Variants in SGCZ observed in about 807,000 individuals in gnomAD.
SGCZ encodes the protein zeta-sarcoglycan.
SGCZ carries 40 observed loss-of-function variants against 41.3 expected under a neutral mutation model. That is an observed-to-expected ratio of 0.97 (90% confidence interval 0.75 to 1.26). The LOEUF is 1.26. SGCZ is among the 50% of genes most tolerant of loss of function. The probability of loss-of-function intolerance (pLI) is 0.00; values close to 1 mark genes in which losing one functional copy is unlikely to be tolerated. For missense variants in SGCZ, 552 were observed against 369.8 expected (o/e 1.49, Z -4.04); for synonymous variants, 206 against 137.5 (o/e 1.50, Z -3.49).
At chr8:14,857,796 G>T (rs1290415178) in intron 1 of SGCZ, among the ~76,000 whole-genome samples, 1 of 152,116 alleles carries the variant, frequency 6.6e-6, no homozygotes, top group Non-Finnish European at 1.5e-5. Context: ...AACCCAGGAG[G>T]TGGAGGTAGC....
At chr8:14,256,652 C>T (rs770670753) in intron 3 of SGCZ, among the ~76,000 whole-genome samples, 1 of 152,114 alleles carries the variant, frequency 6.6e-6, no homozygotes, top group African/African-American at 2.4e-5. Flanking sequence ...ATGTAGTTTA[C>T]CATAACCAAT....
At chr8:14,965,320 G>C (rs146915322) in intron 1 of SGCZ, among the ~76,000 whole-genome samples, 2 of 152,126 alleles carry the variant, frequency 1.3e-5, no homozygotes, top group Admixed American at 1.3e-4. Flanking sequence ...TTTTCCTAGA[G>C]TGAAGTTTCC....
intron 1 of SGCZ, among the ~76,000 whole-genome samples, chr8:15,067,002 C>G (rs1805175136): frequency 6.6e-6 from 1 of 152,010 alleles, no homozygotes; most frequent in African/African-American, 2.4e-5. Flanking sequence ...GAAATAAAAC[C>G]TTCTTAGATA....
At chr8:14,532,513 G>A (rs55789431) in intron 2 of SGCZ, among the ~76,000 whole-genome samples, 1 of 151,748 alleles carries the variant, frequency 6.6e-6, no homozygotes, top group Non-Finnish European at 1.5e-5. Context: ...AAGAATAAGC[G>A]AATAAGCAGC....
At chr8:14,366,165 C>T (rs963598579) in intron 2 of SGCZ, among the ~76,000 whole-genome samples, 1 of 152,084 alleles carries the variant, frequency 6.6e-6, no homozygotes. Context: ...CTGCTGTCAT[C>T]TGGAGAACAG....
chr8:14,288,605 A>T (rs12541704), intron 3 of SGCZ, among the ~76,000 whole-genome samples: 109,247 of 152,152 alleles, frequency 0.72, 40,358 homozygotes, highest in Non-Finnish European at 0.8. Context: ...ATGCCATATT[A>T]TGTAATAGTA....
intron 2 of SGCZ, among the ~76,000 whole-genome samples, chr8:14,509,604 C>A (rs139201067): frequency 6.6e-6 from 1 of 152,234 alleles, no homozygotes; most frequent in African/African-American, 2.4e-5. Context: ...ACCAGAAGAA[C>A]ATGAACCATC....
chr8:14,696,846 CA>C (rs1181344253), intron 1 of SGCZ, among the ~76,000 whole-genome samples: 1 of 151,688 alleles, frequency 6.6e-6, no homozygotes. Flanking sequence ...GATGGTTTGC[CA>C]AAAGGGGGAT....
At chr8:15,171,234 C>T (rs1184595233) in intron 1 of SGCZ, among the ~76,000 whole-genome samples, 2 of 152,024 alleles carry the variant, frequency 1.3e-5, no homozygotes, top group African/African-American at 2.4e-5. Flanking sequence ...TAATCATCAT[C>T]GAAGTATATT....
chr8:14,841,563 G>GA (rs1802916379), intron 1 of SGCZ, among the ~76,000 whole-genome samples: 1 of 151,996 alleles, frequency 6.6e-6, no homozygotes, highest in Non-Finnish European at 1.5e-5. Flanking sequence ...GTTTCCATAA[G>GA]AAAAAATACA....
chr8:14,472,152 T>C (rs936025008), intron 2 of SGCZ, among the ~76,000 whole-genome samples: 1 of 152,106 alleles, frequency 6.6e-6, no homozygotes, highest in Admixed American at 6.5e-5. Flanking sequence ...GAGTTCCAAT[T>C]GTAATTTTAG....
At chr8:14,544,887 A>G (rs1424380688) in intron 2 of SGCZ, among the ~76,000 whole-genome samples, 1 of 151,908 alleles carries the variant, frequency 6.6e-6, no homozygotes, top group African/African-American at 2.4e-5. Context: ...GAAGCATGTG[A>G]TCTTTATTAG....
rs1413423664 is a variant in SGCZ at position 14,370,207 on chromosome 8, T to A, written c.235-46003A>T. Among the ~76,000 whole-genome samples the A allele has an allele frequency of 2.6e-5, 4 of 151,950 alleles. No individual in the cohort carries two copies. The South Asian group carries it at 6.2e-4, about 24-fold the overall frequency. Reference sequence around the variant, plus strand: ...ACTAAATTGGTATAGCAATACAAACTTCTCAGTTCTCTGTAAGTTAAAAGA... The same window carrying A: ...ACTAAATTGGTATAGCAATACAAACATCTCAGTTCTCTGTAAGTTAAAAGA... On this transcript the variant is annotated intron_variant, in intron 2 of 7. Coordinates refer to ENST00000382080, the MANE Select transcript of SGCZ (RefSeq NM_139167.4).
intron 1 of SGCZ, among the ~76,000 whole-genome samples, chr8:14,738,280 C>T (rs1563236617): frequency 6.6e-6 from 1 of 152,024 alleles, no homozygotes. Flanking sequence ...GAATTCTCCC[C>T]TCTTGTACAG....
intron 1 of SGCZ, among the ~76,000 whole-genome samples, chr8:14,611,531 AAT>A (rs1477691665): frequency 1.3e-5 from 2 of 152,210 alleles, no homozygotes; most frequent in African/African-American, 2.4e-5. Context: ...AATTAACATG[AAT>A]TAATGAAGAG....
At position 14,403,326 on chromosome 8, in the gene SGCZ, C is replaced by G. The variant is rs149290530; in HGVS notation, c.235-79122G>C. On this transcript the variant is annotated intron_variant, in intron 2 of 7. Transcript: ENST00000382080. ...CCTGGGCCAGAACTTCCAACACTAT[C>G]TTGAATAGGAGTGGTGAGAGAGGGC... 7.4e-4 allele frequency among the ~76,000 whole-genome samples: 108 copies of G among 146,746 alleles called. 2 individuals are homozygous for G. The highest frequency in any genetic ancestry group is 3.5e-3 in the Middle Eastern group (1 of 286).
chr8:14,323,727 A>C (rs1394889114), intron 3 of SGCZ, among the ~76,000 whole-genome samples: 1 of 152,146 alleles, frequency 6.6e-6, no homozygotes, highest in Non-Finnish European at 1.5e-5. Flanking sequence ...CTGATCAGAT[A>C]CATAGTATGT....
intron 2 of SGCZ, among the ~76,000 whole-genome samples, chr8:14,508,231 C>G (rs1206812324): frequency 2.6e-5 from 4 of 152,030 alleles, no homozygotes; most frequent in Non-Finnish European, 5.9e-5. Context: ...ACCCTGAGAC[C>G]AAGAATATTG....
intron 4 of SGCZ, among the ~76,000 whole-genome samples, chr8:14,209,513 A>G (rs1288980876): frequency 6.6e-6 from 1 of 152,008 alleles, no homozygotes; most frequent in Non-Finnish European, 1.5e-5. Context: ...ATTTCCTATT[A>G]CATAAGAAGT....
Sources: gnomAD v4.1 joint callset for allele counts (sites outside exome capture counted in the v4.1 genomes callset) on GRCh38, gnomAD v4.1.1 for gene constraint, MANE v1.5 for transcripts, NCBI Gene and HGNC (gene_info 2026-07-23, HGNC 2026-07-21) for gene names.